CFAP77: variants seen among roughly 807,000 people sequenced by gnomAD.
CFAP77 encodes the protein cilia- and flagella-associated protein 77.
Under a neutral mutation model 31.1 loss-of-function variants are expected in CFAP77, and 25 were observed. The ratio of observed to expected loss-of-function variants is 0.80; its 90% confidence interval spans 0.59 to 1.12. The LOEUF (loss-of-function observed/expected upper bound fraction) is 1.12, where lower values mean the gene tolerates loss of function less well. Among genes scored for constraint, CFAP77 ranks in the 50% most tolerant of loss-of-function variants. The pLI is 0.00. For missense variants in CFAP77, 377 were observed against 397.3 expected, an observed-to-expected ratio of 0.95 and a Z score of 0.44; for synonymous variants, 151 against 159.9, an observed-to-expected ratio of 0.94 and a Z score of 0.42.
intron 5 of CFAP77, among the ~76,000 whole-genome samples, chr9:132,546,640 CGA>C (rs1400890615): frequency 2.0e-5 from 3 of 152,172 alleles, no homozygotes; most frequent in South Asian, 4.1e-4. Flanking sequence ...CTTACAGGGT[CGA>C]GAGAGGAGAG....
intron 5 of CFAP77, among the ~76,000 whole-genome samples, chr9:132,570,907 C>G (rs970012649): frequency 2.0e-5 from 3 of 152,190 alleles, no homozygotes. Flanking sequence ...CTGAACCACA[C>G]TCTGCCCTAG....
chr9:132,433,701 C>G (rs1745016347), intron 1 of CFAP77, among the ~76,000 whole-genome samples: 1 of 152,096 alleles, frequency 6.6e-6, no homozygotes, highest in Non-Finnish European at 1.5e-5. Context: ...GTGTGAGCCA[C>G]CATGCCCAGC....
At chr9:132,520,981 A>G (rs1852254263) in intron 3 of CFAP77, among the ~76,000 whole-genome samples, 1 of 152,232 alleles carries the variant, frequency 6.6e-6, no homozygotes, top group South Asian at 2.1e-4. Flanking sequence ...CCAAGCCTGA[A>G]TTACTTCTGA....
chr9:132,562,458 G>A (rs945826042), intron 5 of CFAP77, among the ~76,000 whole-genome samples: 6 of 152,060 alleles, frequency 3.9e-5, no homozygotes, highest in East Asian at 3.9e-4. Context: ...ACAGGGAAGC[G>A]TTTTGTATGT....
chr9:132,566,415 G>T (rs1416950516), intron 5 of CFAP77, among the ~76,000 whole-genome samples: 2 of 152,182 alleles, frequency 1.3e-5, no homozygotes, highest in Non-Finnish European at 2.9e-5. Flanking sequence ...GCGTTCCAAG[G>T]CTTGTGTGAA....
At chr9:132,412,132 T>C (rs528047415) in intron 1 of CFAP77, among the ~76,000 whole-genome samples, 1 of 152,310 alleles carries the variant, frequency 6.6e-6, no homozygotes, top group African/African-American at 2.4e-5. Context: ...ATTCAATCCC[T>C]GATTTCTGAA....
intron 3 of CFAP77, among the ~76,000 whole-genome samples, chr9:132,524,688 G>C (rs958247518): frequency 2.8e-4 from 43 of 151,780 alleles, no homozygotes; most frequent in East Asian, 5.8e-4. Context: ...TCGCTCTGTC[G>C]CCCAGGCTGG....
At chr9:132,503,231 G>C (rs1029975948) in intron 3 of CFAP77, among the ~76,000 whole-genome samples, 1 of 152,180 alleles carries the variant, frequency 6.6e-6, no homozygotes, top group African/African-American at 2.4e-5. Context: ...TGTGACTTTT[G>C]CTGCTGATCC....
chr9:132,439,392 T>C (rs1850574788), intron 1 of CFAP77, among the ~76,000 whole-genome samples: 1 of 152,154 alleles, frequency 6.6e-6, no homozygotes, highest in African/African-American at 2.4e-5. Flanking sequence ...TATGAGGCTC[T>C]GTGATTAAGC....
chr9:132,482,214 C>T, intron 1 of CFAP77: 2 of 680,118 alleles, frequency 2.9e-6, no homozygotes, highest in Admixed American at 2.8e-5. Context: ...CATAGGGAGC[C>T]TTTTTCTTAA....
rs1564209169 is a variant in CFAP77, at chr9:132,453,310, AGCTCCGGAGTTCGAG to A, written c.195+42845_195+42859del. On this transcript the variant is annotated intron_variant, in intron 1 of 5. Transcript: ENST00000393216. ...GAGGCTGAGGCAGGTGGATTGCCTG[AGCTCCGGAGTTCGAG>A]ACCAGCCTGGGCAACACGGTGAAAC... Among the ~76,000 whole-genome samples, 533 of 152,222 alleles carry A rather than the reference AGCTCCGGAGTTCGAG, an allele frequency of 3.5e-3. 16 individuals are homozygous for A. Among genetic ancestry groups the A allele is most frequent in the Middle Eastern group, 0.024 (7 of 294 alleles).
rs191339271 is a variant in CFAP77, at chr9:132,501,232, G to A, written c.524+1632G>A. On this transcript the variant is annotated intron_variant, in intron 3 of 5. Coordinates refer to ENST00000393216, the MANE Select transcript of CFAP77 (RefSeq NM_001282957.2). The surrounding 1 kb of genome is among the most constrained non-coding windows in gnomAD (Gnocchi z 4.6). ...CATCAGGTCTCTCTGTTTCTTGGCT[G>A]TGCTTCCTGATTTTGGCTCCATTCT... Among the ~76,000 whole-genome samples the A allele has an allele frequency of 6.6e-6, 1 of 152,308 alleles. No homozygotes were observed. Among genetic ancestry groups the A allele is most frequent in the East Asian group, 1.9e-4 (1 of 5,184 alleles).
At chr9:132,513,466 C>T (rs113701032) in intron 3 of CFAP77, 1 of 1,307,752 alleles carries the variant, frequency 7.6e-7, no homozygotes. Flanking sequence ...CCTGAGGACC[C>T]TCCCGAGGTT....
intron 5 of CFAP77, among the ~76,000 whole-genome samples, chr9:132,559,086 C>A (rs1852951815): frequency 1.3e-5 from 2 of 150,918 alleles, no homozygotes; most frequent in Non-Finnish European, 2.9e-5. Context: ...GTGGCTCACG[C>A]CTGTAATCAG....
intron 3 of CFAP77, among the ~76,000 whole-genome samples, chr9:132,521,762 C>CTTTTTTT (rs774087426): frequency 4.8e-5 from 3 of 62,564 alleles, no homozygotes; most frequent in African/African-American, 1.5e-4. Flanking sequence ...AATAGACTTG[C>CTTTTTTT]TTTTTTTTTT....
intron 1 of CFAP77, among the ~76,000 whole-genome samples, chr9:132,467,324 G>A (rs943876177): frequency 6.6e-6 from 1 of 152,050 alleles, no homozygotes; most frequent in African/African-American, 2.4e-5. Flanking sequence ...CTGAAACCCT[G>A]TCCCCATTAA....
intron 1 of CFAP77, among the ~76,000 whole-genome samples, chr9:132,418,003 C>T (rs796800638): frequency 1.3e-5 from 2 of 152,180 alleles, no homozygotes; most frequent in African/African-American, 4.8e-5. Context: ...CCGAGCTTAC[C>T]CTTGAGGGTT....
intron 5 of CFAP77, among the ~76,000 whole-genome samples, chr9:132,543,803 C>T (rs905624221): frequency 6.6e-6 from 1 of 152,340 alleles, no homozygotes; most frequent in Non-Finnish European, 1.5e-5. Context: ...TTCACTCAGC[C>T]TTGTAGCCCT....
chr9:132,543,368 G>C (rs1006205758), intron 5 of CFAP77, among the ~76,000 whole-genome samples: 1 of 152,252 alleles, frequency 6.6e-6, no homozygotes, highest in Non-Finnish European at 1.5e-5. Context: ...CTGGGTGGCT[G>C]TCCACCTAAG....
Sources: gnomAD v4.1 joint callset for allele counts (sites outside exome capture counted in the v4.1 genomes callset) on GRCh38, gnomAD v4.1.1 for gene constraint, Gnocchi (gnomAD v3.1) non-coding constraint, MANE v1.5 for transcripts, NCBI Gene and HGNC (gene_info 2026-07-23, HGNC 2026-07-21) for gene names.